The following BCAS1 variants were observed in gnomAD, a reference collection of about 807,000 sequenced individuals.
The protein encoded by BCAS1 is breast carcinoma-amplified sequence 1.
A neutral mutation model predicts 65.4 loss-of-function variants in BCAS1; 46 were observed. The ratio of observed to expected loss-of-function variants is 0.70; its 90% CI spans 0.55 to 0.90. The LOEUF (loss-of-function observed/expected upper bound fraction) is 0.90, where lower values mean the gene tolerates loss of function less well. Ranked by LOEUF, BCAS1 falls within the 40% of genes least tolerant of loss-of-function variation. BCAS1 has a pLI of 0.00. For synonymous variants in BCAS1, 298 were observed against 293.5 expected (o/e 1.02, Z -0.16); for missense variants, 793 against 771.2 (o/e 1.03, Z -0.33).
chr20:53,970,349 A>G (rs551362302), intron 9 of BCAS1, among the ~76,000 whole-genome samples: 1 of 152,212 alleles, frequency 6.6e-6, no homozygotes, highest in Non-Finnish European at 1.5e-5. Context: ...GCTGGCTTTT[A>G]GTAGCCAAGG....
At chr20:54,020,316 A>C (rs1253026475) in intron 4 of BCAS1, among the ~76,000 whole-genome samples, 1 of 152,206 alleles carries the variant, frequency 6.6e-6, no homozygotes, top group East Asian at 1.9e-4. Context: ...CTCAAAATTT[A>C]TTTTACAAAT....
intron 3 of BCAS1, among the ~76,000 whole-genome samples, chr20:54,036,773 T>TA (rs1268493935): frequency 2.0e-5 from 3 of 151,570 alleles, no homozygotes; most frequent in African/African-American, 7.2e-5. Flanking sequence ...TTTGTATTTT[T>TA]AAATGTAAGC....
chr20:54,025,874 C>T (rs898244579), intron 4 of BCAS1, among the ~76,000 whole-genome samples: 1 of 152,076 alleles, frequency 6.6e-6, no homozygotes, highest in Admixed American at 6.6e-5. Flanking sequence ...CAGAACTATG[C>T]AGCCGGGAGT....
intron 10 of BCAS1, among the ~76,000 whole-genome samples, chr20:53,962,570 C>T (rs940605435): frequency 2.6e-5 from 4 of 152,210 alleles, no homozygotes; most frequent in African/African-American, 9.6e-5. Context: ...TTTGTGGACA[C>T]ATGAATGCAG....
intron 10 of BCAS1, among the ~76,000 whole-genome samples, chr20:53,959,776 T>G (rs1218970760): frequency 6.6e-6 from 1 of 152,174 alleles, no homozygotes; most frequent in Non-Finnish European, 1.5e-5. Flanking sequence ...TCACTAAGAT[T>G]GACAAACAAA....
intron 3 of BCAS1, among the ~76,000 whole-genome samples, chr20:54,040,493 A>T (rs372752173): frequency 2.0e-5 from 3 of 151,434 alleles, no homozygotes; most frequent in African/African-American, 7.2e-5. Flanking sequence ...ATTAGCCAGG[A>T]AACAGAGACA....
chr20:53,964,594 T>A (rs567103732), intron 10 of BCAS1, among the ~76,000 whole-genome samples: 1 of 152,304 alleles, frequency 6.6e-6, no homozygotes, highest in Non-Finnish European at 1.5e-5. Flanking sequence ...CCTACCTTCA[T>A]CCCTATCCTA....
intron 3 of BCAS1, among the ~76,000 whole-genome samples, chr20:54,041,228 C>T (rs965621910): frequency 4.6e-5 from 7 of 151,126 alleles, no homozygotes; most frequent in South Asian, 2.1e-4. Flanking sequence ...GGAGTAATGA[C>T]GATGTTCTGG....
chr20:54,026,029 A>G (rs990119218), intron 4 of BCAS1, among the ~76,000 whole-genome samples: 1 of 152,250 alleles, frequency 6.6e-6, no homozygotes, highest in African/African-American at 2.4e-5. Context: ...TCATGTACAT[A>G]GTACAAAGTG....
At chr20:54,010,397 G>C (rs1280843600) in intron 4 of BCAS1, among the ~76,000 whole-genome samples, 5 of 152,078 alleles carry the variant, frequency 3.3e-5, no homozygotes, top group African/African-American at 1.2e-4. Flanking sequence ...GTTCAGCAAG[G>C]CTGAAGAATA....
intron 4 of BCAS1, among the ~76,000 whole-genome samples, chr20:54,003,460 C>T (rs537429573): frequency 7.2e-5 from 11 of 152,318 alleles, no homozygotes; most frequent in Admixed American, 7.2e-4. Context: ...TCAGGCCACC[C>T]ATGGACTCTG....
At chr20:53,962,104 T>C (rs2092535984) in intron 10 of BCAS1, among the ~76,000 whole-genome samples, 1 of 152,218 alleles carries the variant, frequency 6.6e-6, no homozygotes, top group African/African-American at 2.4e-5. Flanking sequence ...CCTTCAGAAA[T>C]CTTTCCTTAA....
intron 10 of BCAS1, among the ~76,000 whole-genome samples, chr20:53,965,888 A>G (rs1157031427): frequency 6.6e-6 from 1 of 152,226 alleles, no homozygotes; most frequent in Non-Finnish European, 1.5e-5. Flanking sequence ...AAAAATAAAT[A>G]ATAGTAAGCA....
At chr20:53,979,274 G>A (rs1235539093) in intron 8 of BCAS1, among the ~76,000 whole-genome samples, 1 of 152,132 alleles carries the variant, frequency 6.6e-6, no homozygotes, top group East Asian at 1.9e-4. Context: ...TTTACCAGGA[G>A]CAATAAGAAC....
intron 3 of BCAS1, among the ~76,000 whole-genome samples, chr20:54,034,007 C>T (rs1324136643): frequency 1.3e-5 from 2 of 151,334 alleles, no homozygotes; most frequent in Non-Finnish European, 3.0e-5. Context: ...TGACTCATCA[C>T]ATAAACAGAA....
At chr20:53,982,347 C>T (rs898130725) in intron 8 of BCAS1, among the ~76,000 whole-genome samples, 5 of 152,136 alleles carry the variant, frequency 3.3e-5, no homozygotes, top group African/African-American at 1.2e-4. Flanking sequence ...ATTTTAAACA[C>T]GTTTTTGGAA....
intron 4 of BCAS1, among the ~76,000 whole-genome samples, chr20:54,012,507 G>A (rs890020016): frequency 1.3e-5 from 2 of 149,150 alleles, no homozygotes; most frequent in African/African-American, 4.9e-5. Flanking sequence ...AATTCTGGAA[G>A]AGCAACAATG....
At chr20:54,033,447 T>C (rs1600940359) in intron 3 of BCAS1, among the ~76,000 whole-genome samples, 2 of 147,926 alleles carry the variant, frequency 1.4e-5, no homozygotes, top group South Asian at 2.2e-4. Flanking sequence ...ATAAACACAA[T>C]CAGAAACGAC....
intron 9 of BCAS1, among the ~76,000 whole-genome samples, 194 bp from the exon 10 acceptor site, chr20:53,967,267 T>G (rs964194441): frequency 6.6e-6 from 1 of 152,188 alleles, no homozygotes; most frequent in Admixed American, 6.5e-5. Context: ...CAAGCTCAAC[T>G]GCCACATTGA....
Sources: gnomAD v4.1 joint callset for allele counts (sites outside exome capture counted in the v4.1 genomes callset) on GRCh38, gnomAD v4.1.1 for gene constraint, MANE v1.5 for transcripts, NCBI Gene and HGNC (gene_info 2026-07-23, HGNC 2026-07-21) for gene names.